The following RNASEH2B variants were observed in gnomAD, a reference collection of about 807,000 sequenced individuals.
RNASEH2B encodes Aicardi-Goutieres syndrome 2 protein.
Under a neutral mutation model 45.0 loss-of-function variants are expected in RNASEH2B, and 36 were observed. The observed-to-expected ratio is 0.80, with a 90% CI of 0.61 to 1.06. The LOEUF (loss-of-function observed/expected upper bound fraction) is 1.06, where lower values mean the gene tolerates loss of function less well. Ranked by LOEUF, RNASEH2B falls within the 50% of genes least tolerant of loss-of-function variation. The pLI is 0.00. For missense variants in RNASEH2B, 361 were observed against 360.3 expected (o/e 1.00, Z -0.02); for synonymous variants, 119 against 125.7 (o/e 0.95, Z 0.35).
At chr13:50,933,527 T>G (rs1951708677) in intron 4 of RNASEH2B, among the ~76,000 whole-genome samples, 1 of 152,266 alleles carries the variant, frequency 6.6e-6, no homozygotes, top group South Asian at 2.1e-4. Context: ...TTAAAAATTA[T>G]TGATACACAC....
rs1188582667 is a variant in RNASEH2B at position 50,910,024 on chromosome 13, G to A, written c.-53G>A. The A allele has an allele frequency of 3.5e-6, 5 of 1,430,618 alleles. No individual in the cohort carries two copies. In the Admixed American group the frequency reaches 1.0e-4, roughly 29 times the overall value. 88.6% of individuals were successfully genotyped at this position (1,430,618 alleles called of 1,614,324 possible). A position where few individuals can be genotyped will look rare whatever the true frequency, so the allele number is the denominator to read the frequency against. ...CTCCCGCCATTTTCGGCGGGGCTGGGAGACTGAGGCCCGCGGCGCTGAGCC... is the reference window on the plus strand; with the variant it reads ...CTCCCGCCATTTTCGGCGGGGCTGGAAGACTGAGGCCCGCGGCGCTGAGCC... On this transcript the variant is annotated 5_prime_UTR_variant, in exon 1 of 11. Transcript: ENST00000336617.
chr13:50,909,992 G>A lies in RNASEH2B; in HGVS notation c.-85G>A. On this transcript the variant is annotated 5_prime_UTR_variant, in exon 1 of 11. Transcript: ENST00000336617. ...TCAGCGCGCCGCGCCACCCGGAACA[G>A]ACCCTTCTCCCGCCATTTTCGGCGG... The A allele has an allele frequency of 8.0e-7, 1 of 1,244,642 alleles. No homozygotes were observed. Among genetic ancestry groups the A allele is most frequent in the South Asian group, 1.4e-5 (1 of 71,244 alleles). 77.1% of individuals were successfully genotyped at this position (1,244,642 alleles called of 1,614,324 possible).
Position 50,917,086 on chromosome 13 carries a change from C to T in RNASEH2B, c.64+6946C>T, listed in dbSNP as rs189888871. On this transcript the variant is annotated intron_variant, in intron 1 of 10. Coordinates refer to ENST00000336617, the MANE Select transcript of RNASEH2B (RefSeq NM_024570.4). ...CCAGTTTGAAACCTTTCAAAACAGC[C>T]TTCTGACTGGTCCTGCTGTGGTCAC... 2.5e-4 allele frequency among the ~76,000 whole-genome samples: 38 copies of T among 152,348 alleles called. No homozygotes were observed. The East Asian group carries it at 6.6e-3, about 26-fold the overall frequency.
chr13:50,922,176 T>C (rs1041340139), intron 1 of RNASEH2B, among the ~76,000 whole-genome samples: 2 of 152,216 alleles, frequency 1.3e-5, no homozygotes, highest in Non-Finnish European at 2.9e-5. Flanking sequence ...CAGTGACAAT[T>C]GTTTAACGTC....
At chr13:50,935,331 G>A (rs559903808) in intron 5 of RNASEH2B, 15 of 344,458 alleles carry the variant, frequency 4.4e-5, no homozygotes, top group East Asian at 2.6e-4. Context: ...GTAAAATTAC[G>A]TAAAACCTGT....
rs1480174564 is a variant in RNASEH2B at position 50,934,964 on chromosome 13, T to C, written c.401T>C (p.Leu134Pro). 2 of 1,613,494 alleles carry C rather than the reference T, an allele frequency of 1.2e-6. No individual in the cohort carries two copies. Among genetic ancestry groups the C allele is most frequent in the East Asian group, 2.2e-5 (1 of 44,890 alleles). The stretch of plus-strand genomic sequence containing the variant: ...ATCTTGTTGCTGAAACTTCCTGGAC[T>C]TGAGAAGTTACTTCATCATGTGACA... ...NCILLLKLPGLEKLLHHVTEE... is the reference protein window; with the variant it reads ...NCILLLKLPGPEKLLHHVTEE... Residue 134 changes from leucine (L) to proline (P), a missense_variant, in exon 5 of 11, where the codon CTT becomes CCT. By Grantham distance (98) the Leu-to-Pro change is moderately conservative (BLOSUM62 -3). Coordinates refer to ENST00000336617, the MANE Select transcript of RNASEH2B (RefSeq NM_024570.4).
rs371060491 is a variant in RNASEH2B, at chr13:50,939,791, A to G, written c.437-3530A>G. 6.6e-5 allele frequency among the ~76,000 whole-genome samples: 10 copies of G among 152,348 alleles called. No individual in the cohort carries two copies. In the East Asian group the frequency reaches 1.9e-3, roughly 29 times the overall value. On this transcript the variant is annotated intron_variant, in intron 5 of 10. Transcript: ENST00000336617. ...AATTCAAAATGGATCACTATGTTAA[A>G]TTCAAAAATGAAAATTATTGAGCTT...
chr13:50,967,680 A>G (rs968747447), intron 9 of RNASEH2B, among the ~76,000 whole-genome samples: 2 of 152,082 alleles, frequency 1.3e-5, no homozygotes, highest in Admixed American at 6.6e-5. Context: ...CTAGAACATC[A>G]CCTCTTTACC....
chr13:50,967,423 G>A (rs1475674709), intron 9 of RNASEH2B, among the ~76,000 whole-genome samples: 1 of 152,214 alleles, frequency 6.6e-6, no homozygotes, highest in Non-Finnish European at 1.5e-5. Flanking sequence ...GACTGGCAAA[G>A]CGCATTGTGA....
intron 9 of RNASEH2B, chr13:50,952,234 A>G (rs1351732996): frequency 1.3e-5 from 2 of 152,256 alleles, no homozygotes; most frequent in East Asian, 1.9e-4. Flanking sequence ...ACATTTTGCC[A>G]TAGAGAAGGA....
Position 50,917,273 on chromosome 13 carries a change from C to A in RNASEH2B, c.64+7133C>A, listed in dbSNP as rs1879799834. Among the ~76,000 whole-genome samples the A allele has an allele frequency of 5.3e-5, 8 of 152,182 alleles. No homozygotes were observed. The South Asian group carries it at 1.7e-3, about 32-fold the overall frequency. ...ACAGCAGAGGAACTAGCTACCACGTCGTTTCACCAGTGGGACTCTGAGCTC... is the reference window on the plus strand; with the variant it reads ...ACAGCAGAGGAACTAGCTACCACGTAGTTTCACCAGTGGGACTCTGAGCTC... On this transcript the variant is annotated intron_variant, in intron 1 of 10. Coordinates refer to ENST00000336617, the MANE Select transcript of RNASEH2B (RefSeq NM_024570.4).
chr13:50,929,395 C>G lies in RNASEH2B; in HGVS notation c.137-80C>G, dbSNP rs41292766. 3,482 of 855,302 alleles carry G rather than the reference C, an allele frequency of 4.1e-3. 11 individuals carry two copies. Among genetic ancestry groups the G allele is most frequent in the Non-Finnish European group, 5.8e-3 (2,936 of 502,700 alleles). 53.0% of individuals were successfully genotyped at this position (855,302 alleles called of 1,614,324 possible). A position where few individuals can be genotyped will look rare whatever the true frequency, so the allele number is the denominator to read the frequency against. On this transcript the variant is annotated intron_variant, in intron 2 of 10. Transcript: ENST00000336617. ...ATATTAGGAACATTCGTCAGAGATACTGGATAGTCTTTTGGGGTGTGTGTG... is the reference window on the plus strand; with the variant it reads ...ATATTAGGAACATTCGTCAGAGATAGTGGATAGTCTTTTGGGGTGTGTGTG...
chr13:50,965,697 G>GTAA (rs1177442869), intron 9 of RNASEH2B, among the ~76,000 whole-genome samples: 5 of 152,110 alleles, frequency 3.3e-5, no homozygotes, highest in Non-Finnish European at 5.9e-5. Flanking sequence ...AACTTGTATG[G>GTAA]GCCTTAAATT....
In RNASEH2B at chr13:50,909,799, A is replaced by G. The variant is rs999029441; in HGVS notation, c.-278A>G. On this transcript the variant is annotated 5_prime_UTR_variant, in exon 1 of 11. Coordinates refer to ENST00000336617, the MANE Select transcript of RNASEH2B (RefSeq NM_024570.4). ...CGCGATGAGCACCTACCACTAGCGGAGCCGCGAGGGAGAGGCCGCGGCCCC... is the reference window on the plus strand; with the variant it reads ...CGCGATGAGCACCTACCACTAGCGGGGCCGCGAGGGAGAGGCCGCGGCCCC... 2.8e-6 allele frequency: 1 copy of G among 359,366 alleles called. No homozygotes were observed. The highest frequency in any genetic ancestry group is 5.1e-6 in the Non-Finnish European group (1 of 197,886). 22.3% of individuals were successfully genotyped at this position (359,366 alleles called of 1,614,324 possible). A position where few individuals can be genotyped will look rare whatever the true frequency, so the allele number is the denominator to read the frequency against.
chr13:50,945,348 T>G, intron 6 of RNASEH2B, 79 bp from the exon 7 acceptor site: 3 of 956,414 alleles, frequency 3.1e-6, no homozygotes, highest in Non-Finnish European at 5.1e-6. Flanking sequence ...TTAAATGGTC[T>G]GAAGGCCACC....
Position 50,935,394 on chromosome 13 carries a change from A to G in RNASEH2B, c.436+395A>G, listed in dbSNP as rs950281504. 13 of 269,224 alleles carry G rather than the reference A, an allele frequency of 4.8e-5. No homozygotes were observed. The Admixed American group carries it at 4.9e-4, about 10-fold the overall frequency. The allele number at this position is 269,224 out of a possible 1,614,324, so 16.7% of individuals were successfully genotyped here. On this transcript the variant is annotated intron_variant, in intron 5 of 10. Transcript: ENST00000336617. The stretch of plus-strand genomic sequence containing the variant: ...GCACCTTCCAAAAAGCATATGTTGC[A>G]CATTAGTGCTAAGCTCTAGATACTT...
intron 4 of RNASEH2B, among the ~76,000 whole-genome samples, chr13:50,932,599 A>G (rs1951694107): frequency 1.3e-5 from 2 of 152,240 alleles, no homozygotes; most frequent in Non-Finnish European, 2.9e-5. Flanking sequence ...AAATGCAGAT[A>G]GCGTCTTAGC....
intron 2 of RNASEH2B, 116 bp downstream of exon 2, chr13:50,927,594 C>A: frequency 1.4e-6 from 1 of 734,454 alleles, no homozygotes; most frequent in Non-Finnish European, 2.5e-6. Context: ...TAAGATGGCA[C>A]CGTGAGGAGA....
intron 5 of RNASEH2B, 72 bp downstream of exon 5, chr13:50,935,071 A>T: frequency 7.6e-6 from 7 of 925,426 alleles, no homozygotes; most frequent in Non-Finnish European, 1.1e-5. Flanking sequence ...CTGCTTACAG[A>T]CACACTGAAT....
Sources: gnomAD v4.1 joint callset for allele counts (sites outside exome capture counted in the v4.1 genomes callset) on GRCh38, gnomAD v4.1.1 for gene constraint, MANE v1.5 for transcripts, NCBI Gene and HGNC (gene_info 2026-07-23, HGNC 2026-07-21) for gene names.